C1orf185: variants seen among roughly 807,000 people sequenced by gnomAD.
C1orf185 encodes chromosome 1 open reading frame 185, also known as uncharacterized protein C1orf185.
Under a neutral mutation model 16.1 loss-of-function variants are expected in C1orf185, and 13 were observed. The observed-to-expected ratio is 0.81, with a 90% confidence interval of 0.53 to 1.28. C1orf185 has a LOEUF of 1.28. Ranked by LOEUF, C1orf185 falls within the 50% of genes most tolerant of loss-of-function variation. The pLI is 0.00. For missense variants in C1orf185, 220 were observed against 225.2 expected (o/e 0.98, Z 0.15); for synonymous variants, 80 against 76.9 (o/e 1.04, Z -0.21).
At chr1:51,110,785 A>G (rs1441155248) in intron 1 of C1orf185, among the ~76,000 whole-genome samples, 6 of 152,112 alleles carry the variant, frequency 3.9e-5, no homozygotes, top group African/African-American at 1.4e-4. Context: ...CGTGGCCAAC[A>G]TGGTAAAACC....
chr1:51,131,812 C>G (rs1465415112), intron 3 of C1orf185, among the ~76,000 whole-genome samples: 1 of 152,130 alleles, frequency 6.6e-6, no homozygotes. Flanking sequence ...TAGAAATGAT[C>G]CCACTGCTGC....
At chr1:51,103,535 CTTTT>C (rs753881327) in intron 1 of C1orf185, among the ~76,000 whole-genome samples, 1 of 133,558 alleles carries the variant, frequency 7.5e-6, no homozygotes. Context: ...GATGTCTTTC[CTTTT>C]TTTTTTTTTT....
At chr1:51,102,556 A>C (rs1382363464) in intron 1 of C1orf185, among the ~76,000 whole-genome samples, 1 of 152,148 alleles carries the variant, frequency 6.6e-6, no homozygotes, top group Non-Finnish European at 1.5e-5. Flanking sequence ...CAAATATATT[A>C]GCATAAATTC....
In C1orf185 at chr1:51,113,588, G is replaced by A. The variant is rs184585187; in HGVS notation, c.122+1019G>A. On this transcript the variant is annotated intron_variant, in intron 2 of 4. Coordinates refer to ENST00000371759, the MANE Select transcript of C1orf185 (RefSeq NM_001136508.2). The stretch of plus-strand genomic sequence containing the variant: ...TAGTCCCAGCTGCTCGGGAGGCTAA[G>A]ACAGGAGAATCGCTTGAACCCAGGA... 4.2e-3 allele frequency among the ~76,000 whole-genome samples: 644 copies of A among 152,246 alleles called. 5 individuals are homozygous for A. The highest frequency in any genetic ancestry group is 0.015 in the African/African-American group (616 of 41,544).
rs148657146 is a variant in C1orf185 at position 51,126,728 on chromosome 1, T to C, written c.258+7927T>C. On this transcript the variant is annotated intron_variant, in intron 3 of 4. Coordinates refer to ENST00000371759, the MANE Select transcript of C1orf185 (RefSeq NM_001136508.2). Reference sequence around the variant, plus strand: ...GCTAAAATCTTAAGTTACCATAGTATATTTGTCAAAACTAAGAAACCAACA... The same window carrying C: ...GCTAAAATCTTAAGTTACCATAGTACATTTGTCAAAACTAAGAAACCAACA... Among the ~76,000 whole-genome samples the C allele has an allele frequency of 3.6e-3, 546 of 152,364 alleles. 1 individual carries two copies. The highest frequency in any genetic ancestry group is 4.4e-3 in the Non-Finnish European group (300 of 68,036).
chr1:51,131,117 G>C (rs898400211), intron 3 of C1orf185, among the ~76,000 whole-genome samples: 2 of 152,100 alleles, frequency 1.3e-5, no homozygotes, highest in Non-Finnish European at 1.5e-5. Flanking sequence ...TGGTCAGGCT[G>C]GTCTCAAACT....
intron 2 of C1orf185, among the ~76,000 whole-genome samples, chr1:51,114,495 G>T (rs2148013177): frequency 6.6e-6 from 1 of 152,286 alleles, no homozygotes; most frequent in South Asian, 2.1e-4. Flanking sequence ...GGCCAAGGCA[G>T]GTGGATCACT....
At chr1:51,135,407 C>T (rs1282802755) in intron 3 of C1orf185, among the ~76,000 whole-genome samples, 2 of 152,066 alleles carry the variant, frequency 1.3e-5, no homozygotes, top group Non-Finnish European at 2.9e-5. Context: ...GGCGTGGTGG[C>T]ACATGCCTGT....
chr1:51,150,564 T>A (rs1280722641), downstream of C1orf185, among the ~76,000 whole-genome samples: 1 of 152,200 alleles, frequency 6.6e-6, no homozygotes, highest in African/African-American at 2.4e-5. Context: ...ATATCATAGG[T>A]ATATACACTG....
At chr1:51,120,536 G>A (rs1265714157) in intron 3 of C1orf185, among the ~76,000 whole-genome samples, 1 of 152,194 alleles carries the variant, frequency 6.6e-6, no homozygotes, top group African/African-American at 2.4e-5. Context: ...AAGATTTTAA[G>A]CATGTGGATG....
chr1:51,149,114 G>A (rs924208026), downstream of C1orf185, among the ~76,000 whole-genome samples: 1 of 152,062 alleles, frequency 6.6e-6, no homozygotes, highest in Admixed American at 6.6e-5. Context: ...TCTGAGGGAT[G>A]TCTGACACTC....
In C1orf185 at chr1:51,130,098, T is replaced by C. The variant is rs141642739; in HGVS notation, c.258+11297T>C. On this transcript the variant is annotated intron_variant, in intron 3 of 4. Coordinates refer to ENST00000371759, the MANE Select transcript of C1orf185 (RefSeq NM_001136508.2). ...TTTATGCATTGAGGGATATTTGAGA[T>C]GTTTCCAGTTTGCAGCTTGCACATA... Among the ~76,000 whole-genome samples the C allele has an allele frequency of 1.7e-3, 257 of 152,322 alleles. 7 individuals carry two copies. In the East Asian group the frequency reaches 0.039, roughly 23 times the overall value.
chr1:51,102,863 A>G (rs1646041927), intron 1 of C1orf185, among the ~76,000 whole-genome samples: 1 of 151,880 alleles, frequency 6.6e-6, no homozygotes, highest in Non-Finnish European at 1.5e-5. Flanking sequence ...AGGGCCATAT[A>G]TTTTCCTTAA....
At chr1:51,104,607 A>G (rs1483077569) in intron 1 of C1orf185, among the ~76,000 whole-genome samples, 1 of 152,198 alleles carries the variant, frequency 6.6e-6, no homozygotes, top group Admixed American at 6.6e-5. Context: ...GTATGGAAGT[A>G]GAAATTTTTA....
intron 2 of C1orf185, among the ~76,000 whole-genome samples, chr1:51,117,215 G>A (rs987161317): frequency 1.3e-5 from 2 of 152,124 alleles, no homozygotes; most frequent in Non-Finnish European, 2.9e-5. Flanking sequence ...CAATGAATAA[G>A]TGAATCCTAA....
rs370216408 is a variant in C1orf185, at chr1:51,134,728, T to C, written c.259-10996T>C. Among the ~76,000 whole-genome samples the C allele has an allele frequency of 4.2e-4, 64 of 152,292 alleles. 1 individual carries two copies. In the South Asian group the frequency reaches 7.5e-3, roughly 18 times the overall value. On this transcript the variant is annotated intron_variant, in intron 3 of 4. Coordinates refer to ENST00000371759, the MANE Select transcript of C1orf185 (RefSeq NM_001136508.2). ...TCAGAGAATATTATGGACACCTCTGTGCACATAAACTAGAAAATCTAAAAG... is the reference window on the plus strand; with the variant it reads ...TCAGAGAATATTATGGACACCTCTGCGCACATAAACTAGAAAATCTAAAAG...
intron 3 of C1orf185, among the ~76,000 whole-genome samples, chr1:51,143,021 C>T (rs1646375671): frequency 6.6e-6 from 1 of 152,168 alleles, no homozygotes; most frequent in South Asian, 2.1e-4. Context: ...GCCTCAGCCT[C>T]CCAAAGTACT....
At chr1:51,150,673 T>C (rs1646426032), downstream of C1orf185, among the ~76,000 whole-genome samples, 1 of 152,260 alleles carries the variant, frequency 6.6e-6, no homozygotes, top group Admixed American at 6.5e-5. Flanking sequence ...TTTCACTCTT[T>C]ATGCAAGCTG....
At chr1:51,149,799 T>C (rs1420719262), downstream of C1orf185, among the ~76,000 whole-genome samples, 2 of 152,184 alleles carry the variant, frequency 1.3e-5, no homozygotes, top group African/African-American at 4.8e-5. Flanking sequence ...AGATGAGAGA[T>C]TAGAAGAATG....
Sources: allele counts gnomAD v4.1 joint callset (sites outside exome capture counted in the v4.1 genomes callset), GRCh38; gene constraint gnomAD v4.1.1; transcripts MANE v1.5; gene names NCBI Gene and HGNC (gene_info 2026-07-23, HGNC 2026-07-21).